Variants in CCNK observed in about 807,000 individuals in gnomAD.
CCNK encodes the protein cyclin K.
A neutral mutation model predicts 65.0 loss-of-function variants in CCNK; 9 were observed. The ratio of observed to expected loss-of-function variants is 0.14; its 90% confidence interval spans 0.08 to 0.24. The LOEUF (loss-of-function observed/expected upper bound fraction) is 0.24, where lower values mean the gene tolerates loss of function less well. CCNK is among the 10% of genes least tolerant of loss of function. CCNK has a pLI of 1.00. For synonymous variants in CCNK, 279 were observed against 270.8 expected, an observed-to-expected ratio of 1.03 and a Z score of -0.30; for missense variants, 474 against 720.0, an observed-to-expected ratio of 0.66 and a Z score of 3.91.
At chr14:99,502,161 A>C (rs952179829) in intron 6 of CCNK, 46 bp from the exon 7 acceptor site, 11 of 1,521,914 alleles carry the variant, frequency 7.2e-6, no homozygotes, top group Admixed American at 2.2e-5. Flanking sequence ...TTTAATCATA[A>C]ATATTAGATC....
At chr14:99,500,924 A>G (rs1317418422) in intron 5 of CCNK, 53 bp downstream of exon 5, 1 of 1,112,026 alleles carries the variant, frequency 9.0e-7, no homozygotes, top group East Asian at 2.6e-5. Flanking sequence ...AAGTCTTTAT[A>G]ATTTGATGAC....
At chr14:99,502,058 TAA>T (rs888623016) in intron 6 of CCNK, 147 bp from the exon 7 acceptor site, 1 of 842,272 alleles carries the variant, frequency 1.2e-6, no homozygotes, top group Non-Finnish European at 1.7e-6. Context: ...TTTAGAAGAG[TAA>T]AGACTTGAGT....
intron 1 of CCNK, among the ~76,000 whole-genome samples, chr14:99,484,656 CAG>C (rs1245096248): frequency 6.6e-6 from 1 of 152,082 alleles, no homozygotes; most frequent in Non-Finnish European, 1.5e-5. Flanking sequence ...ATGAACAGGA[CAG>C]ATAAAAATCA....
Position 99,511,922 on chromosome 14 carries a change from G to A in CCNK, c.*1140G>A, listed in dbSNP as rs1218349453. ...ACCTTGAGGGGCCACGGCTCTGTCT[G>A]TGGAAGGGGCCCCGACTGAGCCCCC... On this transcript the variant is annotated 3_prime_UTR_variant, in exon 11 of 11. Transcript: ENST00000389879. The A allele has an allele frequency of 6.6e-6, 1 of 152,370 alleles. No individual in the cohort carries two copies. The highest frequency in any genetic ancestry group is 1.5e-5 in the Non-Finnish European group (1 of 68,042). The allele number at this position is 152,370 out of a possible 1,614,324, so 9.4% of individuals were successfully genotyped here. A position where few individuals can be genotyped will look rare whatever the true frequency, so the allele number is the denominator to read the frequency against.
intron 10 of CCNK, chr14:99,509,948 C>T (rs1174287322): frequency 5.0e-6 from 3 of 603,668 alleles, no homozygotes; most frequent in Non-Finnish European, 8.8e-6. Flanking sequence ...CCCAGGTCGT[C>T]GCAGACAGGG....
chr14:99,486,335 A>G (rs898234422), intron 1 of CCNK, among the ~76,000 whole-genome samples: 2 of 152,106 alleles, frequency 1.3e-5, no homozygotes, highest in Admixed American at 6.5e-5. Context: ...AGTCTGTTTT[A>G]CCTTCCTGTC....
chr14:99,496,750 A>C (rs1413596946), intron 4 of CCNK, among the ~76,000 whole-genome samples: 7 of 151,108 alleles, frequency 4.6e-5, no homozygotes, highest in Admixed American at 1.3e-4. Flanking sequence ...AAAAAAAAAA[A>C]ACCTTTATTA....
chr14:99,494,764 C>T (rs1239626783), intron 3 of CCNK: 1 of 152,246 alleles, frequency 6.6e-6, no homozygotes, highest in African/African-American at 2.4e-5. Context: ...TTACACACAA[C>T]AGAAACTTAA....
Position 99,510,611 on chromosome 14 carries a change from C to T in CCNK, c.1572C>T (p.Leu524=), listed in dbSNP as rs1286595782. ...ACTTCCCACCCCCACCCCCACGCCT[C>T]CCGCCTACCCACGCAGTCCCCCCTC... ...NPNFPPPPPR[L]PPTHAVPPHP... is the part of the protein sequence containing the mutation. Residue 524 remains leucine (L), a synonymous_variant, in exon 11 of 11, where the codon CTC becomes CTT. Transcript: ENST00000389879. The T allele has an allele frequency of 6.2e-6, 8 of 1,298,016 alleles. No homozygotes were observed. Among genetic ancestry groups the T allele is most frequent in the Middle Eastern group, 2.7e-4 (1 of 3,684 alleles). The allele number at this position is 1,298,016 out of a possible 1,614,324, so 80.4% of individuals were successfully genotyped here. A position where few individuals can be genotyped will look rare whatever the true frequency, so the allele number is the denominator to read the frequency against.
Position 99,511,773 on chromosome 14 carries a change from T to G in CCNK, c.*991T>G, listed in dbSNP as rs950443122. On this transcript the variant is annotated 3_prime_UTR_variant, in exon 11 of 11. Coordinates refer to ENST00000389879, the MANE Select transcript of CCNK (RefSeq NM_001099402.2). ...GACCTGGTTGAGTTCCAAACCAGTT[T>G]GAAACTTTGAAGCCTTGCTGCGTAG... 1 of 152,622 alleles carries G rather than the reference T, an allele frequency of 6.6e-6. No individual in the cohort carries two copies. The highest frequency in any genetic ancestry group is 6.5e-5 in the Admixed American group (1 of 15,286). 9.5% of individuals were successfully genotyped at this position (152,622 alleles called of 1,614,324 possible). A position where few individuals can be genotyped will look rare whatever the true frequency, so the allele number is the denominator to read the frequency against.
intron 1 of CCNK, among the ~76,000 whole-genome samples, chr14:99,482,845 T>A (rs1402881609): frequency 7.7e-6 from 1 of 129,350 alleles, no homozygotes; most frequent in African/African-American, 2.7e-5. Context: ...GGACATTATA[T>A]TTGAAAGCAG....
chr14:99,487,592 C>A (rs547577377), intron 1 of CCNK, among the ~76,000 whole-genome samples: 12 of 152,278 alleles, frequency 7.9e-5, no homozygotes, highest in African/African-American at 2.9e-4. Context: ...CAGAAGAAAC[C>A]AAATGTAAAA....
chr14:99,502,900 A>G lies in CCNK; in HGVS notation c.927A>G (p.Gln309=). 1 of 1,613,470 alleles carries G rather than the reference A, an allele frequency of 6.2e-7. No individual in the cohort carries two copies. The highest frequency in any genetic ancestry group is 2.2e-5 in the East Asian group (1 of 44,852). ...AGCCCCAGCAGAAGGACCCCCAGCA[A>G]CCAGCCCAGCAGCAGCAGCCAGCCC... ...PSQPQQKDPQ[Q]PAQQQQPAQQ... The change falls in exon 8 of 11, where the codon CAA becomes CAG. Residue 309 remains glutamine, a synonymous_variant. Coordinates refer to ENST00000389879, the MANE Select transcript of CCNK (RefSeq NM_001099402.2).
At chr14:99,503,201 C>T in intron 8 of CCNK, 1 of 698,352 alleles carries the variant, frequency 1.4e-6, no homozygotes, top group East Asian at 2.7e-5. Flanking sequence ...CTCTGCCCGG[C>T]TCCAGCCCTG....
At chr14:99,493,449 T>A in intron 2 of CCNK, 65 bp from the exon 3 acceptor site, 2 of 982,002 alleles carry the variant, frequency 2.0e-6, no homozygotes, top group Non-Finnish European at 3.1e-6. Context: ...TTTTTGTTTT[T>A]CTACATTTAA....
At chr14:99,503,095 G>A in intron 8 of CCNK, 111 bp downstream of exon 8, 1 of 1,270,074 alleles carries the variant, frequency 7.9e-7, no homozygotes, top group Non-Finnish European at 1.1e-6. Context: ...AGCAGGGGGT[G>A]TTCGCCGAAA....
chr14:99,483,333 A>G (rs952235626), intron 1 of CCNK, among the ~76,000 whole-genome samples: 1 of 152,066 alleles, frequency 6.6e-6, no homozygotes, highest in African/African-American at 2.4e-5. Context: ...AGGATCACAC[A>G]AGCTCAGGAG....
chr14:99,495,030 TAGC>T (rs1241265751), intron 3 of CCNK: 2 of 152,988 alleles, frequency 1.3e-5, no homozygotes, highest in Admixed American at 6.5e-5. Context: ...ATTCAGACCA[TAGC>T]AGAAAGAAAA....
chr14:99,503,565 A>G, intron 8 of CCNK, 46 bp from the exon 9 acceptor site: 3 of 1,516,168 alleles, frequency 2.0e-6, no homozygotes, highest in Non-Finnish European at 8.9e-7. Flanking sequence ...TTTTCTCATC[A>G]TACTCAGGAT....
Sources: gnomAD v4.1 joint callset for allele counts (sites outside exome capture counted in the v4.1 genomes callset) on GRCh38, gnomAD v4.1.1 for gene constraint, MANE v1.5 for transcripts, NCBI Gene and HGNC (gene_info 2026-07-23, HGNC 2026-07-21) for gene names.